Variants in ARID4B observed in about 807,000 individuals in gnomAD.
ARID4B encodes the protein AT-rich interaction domain 4B.
In ARID4B, 26 loss-of-function variants were observed where a neutral mutation model predicts 147.5. The observed-to-expected ratio is 0.18, with a 90% CI of 0.13 to 0.24. The LOEUF (loss-of-function observed/expected upper bound fraction) is 0.24. ARID4B is among the 10% of genes least tolerant of loss of function. The pLI, the probability that ARID4B is intolerant of heterozygous loss-of-function variation, is 1.00. For synonymous variants in ARID4B, 512 were observed against 507.9 expected (o/e 1.01, Z -0.11); for missense variants, 1,179 against 1,511.5 (o/e 0.78, Z 3.65).
chr1:235,182,366 T>C lies in ARID4B; in HGVS notation c.2553A>G (p.Ser851=), dbSNP rs1200373623. 12 of 1,612,070 alleles carry C rather than the reference T, an allele frequency of 7.4e-6. No homozygotes were observed. The highest frequency in any genetic ancestry group is 1.0e-5 in the Non-Finnish European group (12 of 1,179,588). The change falls in exon 20 of 24, where the codon TCA becomes TCG. Residue 851 remains serine (S), a synonymous_variant. Coordinates refer to ENST00000264183, the MANE Select transcript of ARID4B (RefSeq NM_016374.6). ...TGTTGCTACTGTTTTCCATGCAAAG[T>C]GATTCTTTGTTCTTGGCCTTCTCTT... The part of the protein sequence containing the change: ...KKEEKAKNKE[S]LCMENSSNSS...
intron 6 of ARID4B, among the ~76,000 whole-genome samples, chr1:235,248,158 C>T (rs1305681902): frequency 6.6e-6 from 1 of 152,038 alleles, no homozygotes; most frequent in Non-Finnish European, 1.5e-5. Context: ...CTCAAGTGAT[C>T]CTCCAACCTC....
intron 16 of ARID4B, among the ~76,000 whole-genome samples, chr1:235,219,497 C>T (rs1308087854): frequency 6.6e-6 from 1 of 152,204 alleles, no homozygotes; most frequent in South Asian, 2.1e-4. Flanking sequence ...GACATAGCCC[C>T]AAGTTTATAT....
chr1:235,230,594 T>TTAAAAAAAAAA (rs1491526188), intron 10 of ARID4B, among the ~76,000 whole-genome samples: 4 of 58,400 alleles, frequency 6.8e-5, no homozygotes, highest in African/African-American at 2.7e-4. Flanking sequence ...GACTATAAGC[T>TTAAAAAAAAAA]AAAAAAAAAA....
chr1:235,276,190 C>CAA (rs1190767913), intron 2 of ARID4B, among the ~76,000 whole-genome samples: 32 of 55,964 alleles, frequency 5.7e-4, no homozygotes, highest in Non-Finnish European at 8.9e-4. Context: ...ACATACGAAG[C>CAA]AAAAAAAAAA....
intron 2 of ARID4B, 133 bp from the exon 3 acceptor site, chr1:235,260,885 C>T (rs1160367463): frequency 1.8e-6 from 1 of 567,178 alleles, no homozygotes; most frequent in Non-Finnish European, 3.0e-6. Flanking sequence ...CAAGACCAAT[C>T]TATAAAATAC....
intron 16 of ARID4B, among the ~76,000 whole-genome samples, chr1:235,216,434 G>A (rs571440871): frequency 1.5e-4 from 23 of 151,866 alleles, no homozygotes; most frequent in Non-Finnish European, 2.8e-4. Context: ...TGCAACCTCC[G>A]TCTCCCAGGT....
intron 12 of ARID4B, among the ~76,000 whole-genome samples, chr1:235,223,688 T>TTTTTG (rs1309417357): frequency 6.7e-6 from 1 of 149,612 alleles, no homozygotes; most frequent in Non-Finnish European, 1.5e-5. Context: ...AAGCTACATT[T>TTTTTG]TTTTTTTTTT....
chr1:235,219,720 A>ATTC, intron 16 of ARID4B, 73 bp downstream of exon 16: 2 of 1,217,432 alleles, frequency 1.6e-6, no homozygotes, highest in Non-Finnish European at 2.3e-6. Context: ...ATTCATACAT[A>ATTC]AACACATACA....
chr1:235,271,586 C>T, intron 2 of ARID4B, among the ~76,000 whole-genome samples: 1 of 150,436 alleles, frequency 6.6e-6, no homozygotes, highest in East Asian at 2.0e-4. Context: ...GCCGAGTTTG[C>T]ACCACTGCAC....
At chr1:235,236,151 C>T (rs1161341675) in intron 8 of ARID4B, among the ~76,000 whole-genome samples, 1 of 151,944 alleles carries the variant, frequency 6.6e-6, no homozygotes, top group Non-Finnish European at 1.5e-5. Flanking sequence ...ATAAAAATAA[C>T]ATAAATTAGA....
intron 2 of ARID4B, among the ~76,000 whole-genome samples, chr1:235,280,791 G>C (rs1022178105): frequency 7.2e-5 from 11 of 152,260 alleles, no homozygotes; most frequent in African/African-American, 2.7e-4. Flanking sequence ...GGAAGGACTG[G>C]CAAGGCAGTG....
chr1:235,275,566 C>T (rs1671268934), intron 2 of ARID4B, among the ~76,000 whole-genome samples: 1 of 152,188 alleles, frequency 6.6e-6, no homozygotes, highest in Non-Finnish European at 1.5e-5. Context: ...TGGAGTTCCC[C>T]TCTTTGGGTA....
intron 2 of ARID4B, among the ~76,000 whole-genome samples, chr1:235,285,268 T>A (rs1388037029): frequency 6.6e-6 from 1 of 152,198 alleles, no homozygotes; most frequent in Non-Finnish European, 1.5e-5. Context: ...AGGTAATATA[T>A]CATGACCAAG....
chr1:235,217,223 A>G (rs1667149666), intron 16 of ARID4B, among the ~76,000 whole-genome samples: 1 of 152,180 alleles, frequency 6.6e-6, no homozygotes, highest in Non-Finnish European at 1.5e-5. Context: ...AAAGAAAAAA[A>G]CAACATAATT....
intron 8 of ARID4B, among the ~76,000 whole-genome samples, chr1:235,237,328 AT>A (rs969993352): frequency 1.3e-4 from 20 of 152,236 alleles, no homozygotes; most frequent in African/African-American, 4.6e-4. Context: ...TTATCTCTAC[AT>A]CGGGATAAAT....
chr1:235,283,235 A>G (rs762405611), intron 2 of ARID4B, among the ~76,000 whole-genome samples: 7 of 152,240 alleles, frequency 4.6e-5, no homozygotes, highest in Admixed American at 3.3e-4. Context: ...TTTTAAGGAC[A>G]TAATTCACTA....
intron 2 of ARID4B, among the ~76,000 whole-genome samples, chr1:235,278,066 G>C (rs1279761525): frequency 1.3e-5 from 2 of 152,114 alleles, no homozygotes; most frequent in Non-Finnish European, 2.9e-5. Flanking sequence ...AAGGCAAGTA[G>C]AAAGGGCCAT....
chr1:235,255,220 T>TATATATATATAGAG (rs1264196304), intron 5 of ARID4B, among the ~76,000 whole-genome samples: 25 of 62,386 alleles, frequency 4.0e-4, no homozygotes, highest in South Asian at 1.9e-3. Context: ...TGCTGGGAGC[T>TATATATATATAGAG]AGATAGATAG....
At chr1:235,173,758 AAAAAAAAAAAAAAATATATATATATATAT>A (rs1174700246) in intron 22 of ARID4B, among the ~76,000 whole-genome samples, 13 of 51,906 alleles carry the variant, frequency 2.5e-4, no homozygotes, top group African/African-American at 1.2e-3. Flanking sequence ...AAAAAAAAAA[AAAAAAAAAAAAAAATATATATATATATAT>A]ATATATATAT....
Sources: gnomAD v4.1 joint callset for allele counts (sites outside exome capture counted in the v4.1 genomes callset) on GRCh38, gnomAD v4.1.1 for gene constraint, MANE v1.5 for transcripts, NCBI Gene and HGNC (gene_info 2026-07-23, HGNC 2026-07-21) for gene names.